SLC22A15: variants seen among roughly 807,000 people sequenced by gnomAD.
SLC22A15 encodes flipt 1.
SLC22A15 carries 45 observed loss-of-function variants against 62.7 expected under a neutral mutation model. The ratio of observed to expected loss-of-function variants is 0.72; its 90% CI spans 0.56 to 0.92. The LOEUF is 0.92. SLC22A15 is among the 40% of genes least tolerant of loss of function. The probability of loss-of-function intolerance (pLI) is 0.00; values close to 1 mark genes in which losing one functional copy is unlikely to be tolerated. For synonymous variants in SLC22A15, 264 were observed against 267.0 expected, an observed-to-expected ratio of 0.99 and a Z score of 0.11; for missense variants, 622 against 665.6, an observed-to-expected ratio of 0.93 and a Z score of 0.72.
chr1:116,032,168 G>C (rs181526018), intron 6 of SLC22A15: 1 of 985,376 alleles, frequency 1.0e-6, no homozygotes, highest in East Asian at 1.1e-4. Context: ...TTCTGAACCT[G>C]ATTTTTCTGG....
chr1:116,062,677 C>T, intron 8 of SLC22A15, 85 bp from the exon 9 acceptor site: 1 of 1,522,228 alleles, frequency 6.6e-7, no homozygotes, highest in South Asian at 1.2e-5. Context: ...ACATGAATGC[C>T]ACCTGCTCCA....
chr1:116,054,774 G>T (rs1658156854), intron 8 of SLC22A15, among the ~76,000 whole-genome samples: 1 of 152,110 alleles, frequency 6.6e-6, no homozygotes, highest in Admixed American at 6.6e-5. Context: ...TCAACTACAT[G>T]GAAACTGAGC....
chr1:116,019,773 G>A, intron 3 of SLC22A15, 59 bp downstream of exon 3: 1 of 1,537,274 alleles, frequency 6.5e-7, no homozygotes, highest in Non-Finnish European at 8.8e-7. Context: ...AAGATTCTTA[G>A]GGAAATAATA....
rs1412660179 is a variant in SLC22A15 at position 116,061,854 on chromosome 1, A to AT, written c.1172-906dup. The stretch of plus-strand genomic sequence containing the variant: ...TTAAGAAACTAAAATATTACTATTG[A>AT]TTAGTAATTCAAGTGAGAAGTTGAG... On this transcript the variant is annotated intron_variant, in intron 8 of 11. Transcript: ENST00000369503. Among the ~76,000 whole-genome samples, 14 of 152,306 alleles carry AT rather than the reference A, an allele frequency of 9.2e-5. 1 individual carries two copies. In the East Asian group the frequency reaches 2.7e-3, roughly 29 times the overall value.
chr1:115,990,594 T>C (rs1217740896), intron 1 of SLC22A15, among the ~76,000 whole-genome samples: 1 of 152,132 alleles, frequency 6.6e-6, no homozygotes, highest in Non-Finnish European at 1.5e-5. Context: ...CATATAAGTC[T>C]AGGAGCTTAC....
At chr1:116,065,609 T>C (rs143019013) in intron 10 of SLC22A15, among the ~76,000 whole-genome samples, 39 of 152,172 alleles carry the variant, frequency 2.6e-4, no homozygotes, top group African/African-American at 8.9e-4. Flanking sequence ...TTCCTCCTCA[T>C]CCCTGTCTTC....
At chr1:116,013,315 A>G (rs1032489046) in intron 2 of SLC22A15, among the ~76,000 whole-genome samples, 5 of 152,106 alleles carry the variant, frequency 3.3e-5, no homozygotes, top group African/African-American at 4.8e-5. Flanking sequence ...TTTTAGTGAC[A>G]TCTGATTCTG....
intron 2 of SLC22A15, among the ~76,000 whole-genome samples, chr1:116,016,919 C>G (rs1435382242): frequency 6.6e-6 from 1 of 152,206 alleles, no homozygotes; most frequent in East Asian, 1.9e-4. Context: ...TGCTTCCACT[C>G]TTTGCTATCA....
chr1:116,054,377 C>T (rs1447835549), intron 8 of SLC22A15, among the ~76,000 whole-genome samples: 1 of 151,464 alleles, frequency 6.6e-6, no homozygotes, highest in Non-Finnish European at 1.5e-5. Flanking sequence ...TATATGCACC[C>T]AATACAGGAG....
chr1:116,061,208 T>G (rs1433792336), intron 8 of SLC22A15, among the ~76,000 whole-genome samples: 2 of 152,108 alleles, frequency 1.3e-5, no homozygotes, highest in Non-Finnish European at 2.9e-5. Context: ...AAATCCCAAT[T>G]TGGACAGGCA....
intron 1 of SLC22A15, among the ~76,000 whole-genome samples, chr1:115,983,302 A>C (rs1654700204): frequency 6.6e-6 from 1 of 152,208 alleles, no homozygotes; most frequent in African/African-American, 2.4e-5. Context: ...AAATACAGAG[A>C]GTAATATGAC....
At chr1:116,032,338 G>A (rs969408989) in intron 6 of SLC22A15, 4 of 985,230 alleles carry the variant, frequency 4.1e-6, no homozygotes, top group Non-Finnish European at 4.8e-6. Context: ...TTTTGATATT[G>A]TACATACTGC....
At chr1:116,048,820 G>T (rs990365067) in intron 8 of SLC22A15, among the ~76,000 whole-genome samples, 6 of 152,224 alleles carry the variant, frequency 3.9e-5, no homozygotes, top group Admixed American at 1.3e-4. Context: ...AAATGGATAA[G>T]AACTCACCAA....
chr1:115,997,381 T>A (rs1040275387), intron 2 of SLC22A15, among the ~76,000 whole-genome samples: 3 of 152,170 alleles, frequency 2.0e-5, no homozygotes, highest in Admixed American at 2.0e-4. Flanking sequence ...AATCTGTAGA[T>A]TGCTTTGGGT....
intron 1 of SLC22A15, among the ~76,000 whole-genome samples, chr1:115,982,980 G>A (rs577100671): frequency 6.6e-6 from 1 of 152,302 alleles, no homozygotes; most frequent in East Asian, 1.9e-4. Context: ...ATTCTCTGCA[G>A]AATAGCCTGC....
At chr1:116,012,298 G>A (rs1360558675) in intron 2 of SLC22A15, among the ~76,000 whole-genome samples, 2 of 152,184 alleles carry the variant, frequency 1.3e-5, no homozygotes, top group African/African-American at 2.4e-5. Flanking sequence ...CTCAGTTCTC[G>A]GAGTCAGTAT....
At chr1:116,000,272 T>G (rs1276278465) in intron 2 of SLC22A15, among the ~76,000 whole-genome samples, 2 of 152,166 alleles carry the variant, frequency 1.3e-5, no homozygotes, top group Non-Finnish European at 2.9e-5. Context: ...GTTTTGTTAT[T>G]TTATGTTACC....
intron 3 of SLC22A15, among the ~76,000 whole-genome samples, chr1:116,020,219 A>T (rs1377092377): frequency 2.0e-5 from 3 of 151,096 alleles, no homozygotes; most frequent in Non-Finnish European, 2.9e-5. Flanking sequence ...ATGGTTTTTT[A>T]AAAAAATAGT....
intron 1 of SLC22A15, among the ~76,000 whole-genome samples, chr1:115,981,773 T>C (rs925826099): frequency 6.6e-6 from 1 of 152,218 alleles, no homozygotes; most frequent in African/African-American, 2.4e-5. Flanking sequence ...CCCAGCCGAA[T>C]GCCTTCCAAG....
Sources: gnomAD v4.1 joint callset for allele counts (sites outside exome capture counted in the v4.1 genomes callset) on GRCh38, gnomAD v4.1.1 for gene constraint, MANE v1.5 for transcripts, NCBI Gene and HGNC (gene_info 2026-07-23, HGNC 2026-07-21) for gene names.